Variants in MAPK10 observed in about 807,000 individuals in gnomAD.
The protein encoded by MAPK10 is JNK3 alpha protein kinase.
MAPK10 carries 25 observed loss-of-function variants against 59.3 expected under a neutral mutation model. That is an observed-to-expected ratio of 0.42 (90% CI 0.31 to 0.59). The LOEUF (loss-of-function observed/expected upper bound fraction) is 0.59. Ranked by LOEUF, MAPK10 falls within the 20% of genes least tolerant of loss-of-function variation. The pLI is 0.15. For synonymous variants in MAPK10, 190 were observed against 200.5 expected, an observed-to-expected ratio of 0.95 and a Z score of 0.44; for missense variants, 351 against 568.9, an observed-to-expected ratio of 0.62 and a Z score of 3.90.
At chr4:86,211,114 TA>T in intron 2 of MAPK10, among the ~76,000 whole-genome samples, 1 of 151,932 alleles carries the variant, frequency 6.6e-6, no homozygotes, top group East Asian at 1.9e-4. Flanking sequence ...TGAACCAACT[TA>T]CACATTGTGG....
chr4:86,068,839 C>G (rs953765959), intron 9 of MAPK10, among the ~76,000 whole-genome samples: 1 of 152,030 alleles, frequency 6.6e-6, no homozygotes, highest in African/African-American at 2.4e-5. Flanking sequence ...TATATCAGAG[C>G]CTTGATAATG....
At chr4:86,474,035 C>T (rs1461741218) in intron 1 of MAPK10, among the ~76,000 whole-genome samples, 2 of 152,120 alleles carry the variant, frequency 1.3e-5, no homozygotes, top group African/African-American at 4.8e-5. Context: ...CATTTCCACG[C>T]ATATATATGT....
chr4:86,475,678 C>T (rs775675546), intron 1 of MAPK10, among the ~76,000 whole-genome samples: 10 of 152,108 alleles, frequency 6.6e-5, no homozygotes, highest in South Asian at 2.1e-4. Context: ...TCACCCTTAA[C>T]GGCAAGTACT....
chr4:86,552,426 GAGGA>G lies in MAPK10; in HGVS notation c.-263+41480_-263+41483del, dbSNP rs1354327822. Among the ~76,000 whole-genome samples, 637 of 106,962 alleles carry G rather than the reference GAGGA, an allele frequency of 6.0e-3. 13 individuals are homozygous for G. Among genetic ancestry groups the G allele is most frequent in the African/African-American group, 0.017 (446 of 25,714 alleles). 70.2% of individuals were successfully genotyped at this position (106,962 alleles called of 152,430 possible). The stretch of plus-strand genomic sequence containing the variant: ...ACAGAGTGAGACCCTGTCTCAAAGA[GAGGA>G]AGGAAGGAAGGAAGGAAGGAAGGAA... On this transcript the variant is annotated intron_variant, in intron 1 of 4. Transcript: ENST00000502302.
chr4:86,255,097 A>G (rs1488989265), intron 2 of MAPK10, among the ~76,000 whole-genome samples: 2 of 151,228 alleles, frequency 1.3e-5, no homozygotes, highest in African/African-American at 2.4e-5. Context: ...AAAGAAAAAA[A>G]GAAAAAAAAG....
intron 11 of MAPK10, among the ~76,000 whole-genome samples, chr4:86,034,463 A>G (rs192380621): frequency 2.0e-5 from 3 of 152,302 alleles, no homozygotes; most frequent in Admixed American, 2.0e-4. Context: ...TTAAATGAGG[A>G]AAAAAACACA....
chr4:86,152,433 A>G (rs1345392675), intron 4 of MAPK10: 1 of 152,232 alleles, frequency 6.6e-6, no homozygotes, highest in Non-Finnish European at 1.5e-5. Context: ...TGCTGGATTC[A>G]TAACTTTGGA....
chr4:86,578,317 A>G (rs939060150), intron 1 of MAPK10, among the ~76,000 whole-genome samples: 10 of 152,192 alleles, frequency 6.6e-5, no homozygotes, highest in African/African-American at 2.2e-4. Context: ...GCTTTGGTTA[A>G]GAAATAATAT....
At chr4:86,286,400 G>C (rs1215303193) in intron 2 of MAPK10, among the ~76,000 whole-genome samples, 1 of 152,108 alleles carries the variant, frequency 6.6e-6, no homozygotes, top group Non-Finnish European at 1.5e-5. Flanking sequence ...CAGAGAACCA[G>C]CGTTACTGAA....
At chr4:86,584,507 C>A (rs1263484230) in intron 1 of MAPK10, among the ~76,000 whole-genome samples, 1 of 152,098 alleles carries the variant, frequency 6.6e-6, no homozygotes, top group African/African-American at 2.4e-5. Context: ...GCAGTGGCAC[C>A]ATCACAGATC....
intron 1 of MAPK10, among the ~76,000 whole-genome samples, chr4:86,475,339 G>C (rs977699153): frequency 1.3e-5 from 2 of 152,208 alleles, no homozygotes; most frequent in African/African-American, 4.8e-5. Context: ...TCCTCAGACC[G>C]ACCAGCCCAA....
At chr4:86,301,720 C>T (rs1484197302) in intron 2 of MAPK10, among the ~76,000 whole-genome samples, 1 of 152,126 alleles carries the variant, frequency 6.6e-6, no homozygotes, top group Non-Finnish European at 1.5e-5. Context: ...TGAAAACAGT[C>T]TACCCTCAAA....
intron 9 of MAPK10, among the ~76,000 whole-genome samples, chr4:86,071,823 T>G (rs1400935948): frequency 4.7e-5 from 7 of 149,612 alleles, no homozygotes; most frequent in African/African-American, 1.5e-4. Context: ...AGTCAGGTAG[T>G]GTGATTCCTC....
intron 2 of MAPK10, among the ~76,000 whole-genome samples, chr4:86,217,509 T>A (rs191323459): frequency 6.6e-6 from 1 of 152,230 alleles, no homozygotes; most frequent in Non-Finnish European, 1.5e-5. Flanking sequence ...TTTGTCATTA[T>A]ACCTATTAAC....
chr4:86,481,312 T>G (rs72664002), intron 1 of MAPK10, among the ~76,000 whole-genome samples: 34,083 of 151,942 alleles, frequency 0.22, 4,772 homozygotes, highest in Admixed American at 0.31. Context: ...TCAGAGGCCT[T>G]CTAATCTCCT....
intron 1 of MAPK10, among the ~76,000 whole-genome samples, chr4:86,430,330 TCATTGG>T (rs1176391902): frequency 6.6e-6 from 1 of 152,226 alleles, no homozygotes; most frequent in East Asian, 1.9e-4. Flanking sequence ...AAGTATGAAT[TCATTGG>T]CACGGTACTA....
chr4:86,021,464 G>A (rs1329197454), intron 13 of MAPK10, among the ~76,000 whole-genome samples: 1 of 152,228 alleles, frequency 6.6e-6, no homozygotes, highest in Non-Finnish European at 1.5e-5. Flanking sequence ...ACAGGGTGCT[G>A]ACTGGTGTAT....
chr4:86,412,792 G>T (rs1369737745), intron 1 of MAPK10, among the ~76,000 whole-genome samples: 2 of 152,134 alleles, frequency 1.3e-5, no homozygotes, highest in African/African-American at 4.8e-5. Flanking sequence ...ATTCTAGTTA[G>T]TCATTCATCT....
intron 1 of MAPK10, among the ~76,000 whole-genome samples, chr4:86,421,274 A>G (rs1746506961): frequency 6.6e-6 from 1 of 151,926 alleles, no homozygotes; most frequent in African/African-American, 2.4e-5. Flanking sequence ...CTACCACTTG[A>G]TTATATTGCT....
Sources: allele counts gnomAD v4.1 joint callset (sites outside exome capture counted in the v4.1 genomes callset), GRCh38; gene constraint gnomAD v4.1.1; transcripts MANE v1.5; gene names NCBI Gene and HGNC (gene_info 2026-07-23, HGNC 2026-07-21).